The following UNKL variants were observed in gnomAD, a reference collection of about 807,000 sequenced individuals.
The protein encoded by UNKL is putative E3 ubiquitin-protein ligase UNKL.
UNKL carries 60 observed loss-of-function variants against 78.0 expected under a neutral mutation model. The observed-to-expected ratio is 0.77, with a 90% CI of 0.63 to 0.95. The LOEUF (loss-of-function observed/expected upper bound fraction) is 0.95, where lower values mean the gene tolerates loss of function less well. Ranked by LOEUF, UNKL falls within the 40% of genes least tolerant of loss-of-function variation. The pLI, the probability that UNKL is intolerant of heterozygous loss-of-function variation, is 0.00. For synonymous variants in UNKL, 608 were observed against 474.8 expected (o/e 1.28, Z -3.65); for missense variants, 1,159 against 1,045.7 (o/e 1.11, Z -1.49).
Position 1,367,319 on chromosome 16 carries a change from C to T in UNKL, c.1819G>A (p.Glu607Lys), listed in dbSNP as rs931049023. The T allele has an allele frequency of 2.0e-5, 31 of 1,549,528 alleles. No homozygotes were observed. The highest frequency in any genetic ancestry group is 2.7e-5 in the Non-Finnish European group (31 of 1,151,944). Reference sequence around the variant, plus strand: ...GCCACACGGGCACGCTCCTTGGCCTCCTGCGCCTCTCGCTGCCAGGCATCG... The same window carrying T: ...GCCACACGGGCACGCTCCTTGGCCTTCTGCGCCTCTCGCTGCCAGGCATCG... ...VCDAWQREAQ[E>K]AKERARVADS... is the part of the protein sequence containing the mutation. The change falls in exon 14 of 15, where the codon GAG becomes AAG. Residue 607 changes from glutamate (E) to lysine (K), a missense_variant. Physicochemically the swap from Glu to Lys is moderately conservative, Grantham distance 56. Transcript: ENST00000389221.
At chr16:1,396,914 C>T (rs1455450805) in intron 6 of UNKL, 10 of 493,864 alleles carry the variant, frequency 2.0e-5, no homozygotes, top group Non-Finnish European at 2.9e-5. Flanking sequence ...TTGACATTTT[C>T]TCTCTGCTTT....
chr16:1,368,527 G>A (rs1002616274), intron 12 of UNKL, among the ~76,000 whole-genome samples: 13 of 149,238 alleles, frequency 8.7e-5, no homozygotes, highest in East Asian at 3.9e-4. Context: ...GCGTGAACCC[G>A]GGAAGCGGAG....
chr16:1,378,516 C>A (rs548286937), intron 10 of UNKL, among the ~76,000 whole-genome samples: 1 of 152,336 alleles, frequency 6.6e-6, no homozygotes, highest in African/African-American at 2.4e-5. Flanking sequence ...GTGATCCCAC[C>A]AGGCTCCGTG....
chr16:1,366,272 G>C lies in UNKL; in HGVS notation c.2170C>G (p.Pro724Ala), dbSNP rs756074648. 1.9e-6 allele frequency: 3 copies of C among 1,590,232 alleles called. No individual in the cohort carries two copies. Among genetic ancestry groups the C allele is most frequent in the African/African-American group, 2.7e-5 (2 of 74,532 alleles). Residue 724 changes from proline (P) to alanine (A), a missense_variant, in exon 15 of 15, where the codon CCC (proline) becomes GCC (alanine). By Grantham distance (27) the Pro-to-Ala change is conservative (BLOSUM62 -1). Transcript: ENST00000389221. ...TGCAGGGGCTGGCCCTTGCAGTAGG[G>C]GCACTCAGGTGCGGTGGCCGCACAC... ...EPCAATAPECPYCKGQPLQW is the reference protein window; with the variant it reads ...EPCAATAPECAYCKGQPLQW
intron 2 of UNKL, among the ~76,000 whole-genome samples, chr16:1,406,262 G>C (rs2037758530): frequency 6.6e-6 from 1 of 151,832 alleles, no homozygotes; most frequent in Non-Finnish European, 1.5e-5. Context: ...GCCCAGGCCG[G>C]AGTGCAGTGG....
At chr16:1,409,458 G>A (rs1034360952) in intron 2 of UNKL, among the ~76,000 whole-genome samples, 6 of 152,150 alleles carry the variant, frequency 3.9e-5, no homozygotes, top group African/African-American at 7.2e-5. Flanking sequence ...AGGGCCGGTC[G>A]AAGCAAGTCA....
At chr16:1,368,758 T>C (rs540985208) in intron 12 of UNKL, among the ~76,000 whole-genome samples, 6 of 149,006 alleles carry the variant, frequency 4.0e-5, no homozygotes, top group African/African-American at 1.2e-4. Flanking sequence ...AAAATTAGCC[T>C]GGCGTGGTAG....
In UNKL at chr16:1,407,507, G is replaced by A. The variant is rs951649067; in HGVS notation, c.288-4163C>T. Among the ~76,000 whole-genome samples, 5 of 151,974 alleles carry A rather than the reference G, an allele frequency of 3.3e-5. 1 individual carries two copies. The highest frequency in any genetic ancestry group is 1.3e-4 in the Admixed American group (2 of 15,222). On this transcript the variant is annotated intron_variant, in intron 2 of 14. Transcript: ENST00000389221. Reference sequence around the variant, plus strand: ...GTGGATTACTTGAGCCCAGGAGTTCGAAACCAGCAAGACCCCACCCCTACA... The same window carrying A: ...GTGGATTACTTGAGCCCAGGAGTTCAAAACCAGCAAGACCCCACCCCTACA...
Position 1,403,360 on chromosome 16 carries a change from G to A in UNKL, c.288-16C>T, listed in dbSNP as rs572866755. Reference sequence around the variant, plus strand: ...GTAGGGACACCTGGGGAGCAGAGAGGCACGCAATGCCTGGTTATCATGGAC... The same window carrying A: ...GTAGGGACACCTGGGGAGCAGAGAGACACGCAATGCCTGGTTATCATGGAC... On this transcript the variant is annotated splice_polypyrimidine_tract_variant and intron_variant, in intron 2 of 14. Coordinates refer to ENST00000389221, the MANE Select transcript of UNKL (RefSeq NM_001372107.1). This position sits in a 1 kb window ranked among gnomAD's most constrained non-coding sequence, Gnocchi z 4.8. 74 of 1,612,406 alleles carry A rather than the reference G, an allele frequency of 4.6e-5. No individual in the cohort carries two copies. In the South Asian group the frequency reaches 7.2e-4, roughly 16 times the overall value.
At position 1,400,064 on chromosome 16, in the gene UNKL, A is replaced by G. The variant is rs528750095; in HGVS notation, c.599-555T>C. On this transcript the variant is annotated intron_variant, in intron 4 of 14. Transcript: ENST00000389221. ...GGGGCAGGGGGTGTTTGGGAAATCT[A>G]TTTTTCTACTCAGTTTTGCTGTGAA... 1.2e-3 allele frequency among the ~76,000 whole-genome samples: 185 copies of G among 151,912 alleles called. 9 individuals are homozygous for G. The South Asian group carries it at 0.038, about 31-fold the overall frequency.
chr16:1,382,941 G>A (rs1213673129), intron 10 of UNKL, among the ~76,000 whole-genome samples: 1 of 147,106 alleles, frequency 6.8e-6, no homozygotes, highest in Non-Finnish European at 1.5e-5. Flanking sequence ...CTGGGTGACA[G>A]AGCGAGACTC....
At chr16:1,389,840 G>A (rs561724405) in intron 9 of UNKL, among the ~76,000 whole-genome samples, 20 of 152,300 alleles carry the variant, frequency 1.3e-4, no homozygotes, top group African/African-American at 4.1e-4. Flanking sequence ...GTTTGAGACA[G>A]GGCCTCACTC....
chr16:1,396,832 C>T (rs754678306), intron 6 of UNKL, among the ~76,000 whole-genome samples: 2 of 152,090 alleles, frequency 1.3e-5, no homozygotes, highest in Non-Finnish European at 2.9e-5. Context: ...TATCCAGCTG[C>T]CTCAGCCTCC....
At chr16:1,366,508 G>A in intron 14 of UNKL, 113 bp from the exon 15 acceptor site, 2 of 1,344,770 alleles carry the variant, frequency 1.5e-6, no homozygotes, top group Non-Finnish European at 2.0e-6. Flanking sequence ...CCGGCCACCA[G>A]CTACAGAGAC....
chr16:1,382,908 A>G (rs181618785), intron 10 of UNKL, among the ~76,000 whole-genome samples: 1 of 151,686 alleles, frequency 6.6e-6, no homozygotes, highest in Non-Finnish European at 1.5e-5. Context: ...CAGTGAGCCA[A>G]GATTGTGCCA....
At chr16:1,394,400 G>A (rs1007627622) in intron 6 of UNKL, 185 bp from the exon 7 acceptor site, 6 of 738,014 alleles carry the variant, frequency 8.1e-6, no homozygotes, top group African/African-American at 1.7e-5. Flanking sequence ...CCTCTCTGCA[G>A]AGCCGACCCA....
rs1190956365 is a variant in UNKL at position 1,367,508 on chromosome 16, CCCTCCCCCT to C, written c.1788+139_1788+147del. On this transcript the variant is annotated intron_variant, in intron 13 of 14. Transcript: ENST00000389221. ...GCCCTCCCTCCCTCCCTCCCTCCCT[CCCTCCCCCT>C]CCCGTCTCACCCCCCACACGCTCAC... 49 of 699,780 alleles carry C rather than the reference CCCTCCCCCT, an allele frequency of 7.0e-5. 1 individual carries two copies. Among genetic ancestry groups the C allele is most frequent in the Middle Eastern group, 4.3e-4 (1 of 2,316 alleles). 43.3% of individuals were successfully genotyped at this position (699,780 alleles called of 1,614,324 possible).
chr16:1,390,327 C>T (rs977726284), intron 9 of UNKL, among the ~76,000 whole-genome samples: 3 of 152,198 alleles, frequency 2.0e-5, no homozygotes, highest in African/African-American at 7.2e-5. Context: ...CCTTCCCTCG[C>T]AGCCCAAAAA....
At chr16:1,368,202 C>T (rs1364627987) in intron 12 of UNKL, 1 of 371,384 alleles carries the variant, frequency 2.7e-6, no homozygotes, top group Non-Finnish European at 4.9e-6. Flanking sequence ...TCCCAGGAAC[C>T]CCTCACACAC....
Sources: gnomAD v4.1 joint callset for allele counts (sites outside exome capture counted in the v4.1 genomes callset) on GRCh38, gnomAD v4.1.1 for gene constraint, Gnocchi (gnomAD v3.1) non-coding constraint, MANE v1.5 for transcripts, NCBI Gene and HGNC (gene_info 2026-07-23, HGNC 2026-07-21) for gene names.